Variants in GJB7 observed in about 807,000 individuals in gnomAD.
GJB7 encodes the protein gap junction beta-7 protein.
For synonymous variants in GJB7, 87 were observed against 95.2 expected, an observed-to-expected ratio of 0.91 and a Z score of 0.50; for missense variants, 253 against 256.8, an observed-to-expected ratio of 0.99 and a Z score of 0.10.
chr6:87,284,665 A>G lies in GJB7; in HGVS notation c.248T>C (p.Met83Thr). 3.1e-6 allele frequency: 5 copies of G among 1,614,168 alleles called. No homozygotes were observed. Among genetic ancestry groups the G allele is most frequent in the Admixed American group, 1.7e-5 (1 of 60,018 alleles). ...CACCAGAAGTGAAGGTGTGGAGACC[A>G]TTATCAGTTGTAAGGCCCAAAGTCT... ...QVRLWALQLI[M>T]VSTPSLLVVL... Residue 83 changes from methionine to threonine, a missense_variant, in exon 3 of 3, where the codon ATG (methionine) becomes ACG (threonine). Coordinates refer to ENST00000525899, the MANE Select transcript of GJB7 (RefSeq NM_198568.3).
chr6:87,305,478 A>G lies in GJB7; in HGVS notation c.-28+17388T>C, dbSNP rs184486787. Among the ~76,000 whole-genome samples, 1,109 of 152,344 alleles carry G rather than the reference A, an allele frequency of 7.3e-3. 7 individuals carry two copies. Among genetic ancestry groups the G allele is most frequent in the Non-Finnish European group, 0.011 (754 of 68,032 alleles). On this transcript the variant is annotated intron_variant, in intron 2 of 2. Coordinates refer to ENST00000525899, the MANE Select transcript of GJB7 (RefSeq NM_198568.3). Reference sequence around the variant, plus strand: ...GGAATCCAACTTACAAGGGATGTGAAGGACCTCTTCAAGGAGAACTACAAA... The same window carrying G: ...GGAATCCAACTTACAAGGGATGTGAGGGACCTCTTCAAGGAGAACTACAAA...
Position 87,289,084 on chromosome 6 carries a change from G to T in GJB7, c.-27-4145C>A, listed in dbSNP as rs529002827. The stretch of plus-strand genomic sequence containing the variant: ...TGCCCATGCCTGCATCTCCAACCTT[G>T]TCTTGCACATCTCCAAAGGATACTG... On this transcript the variant is annotated intron_variant, in intron 2 of 2. Coordinates refer to ENST00000525899, the MANE Select transcript of GJB7 (RefSeq NM_198568.3). 2.6e-5 allele frequency among the ~76,000 whole-genome samples: 4 copies of T among 152,214 alleles called. No homozygotes were observed. The South Asian group carries it at 8.3e-4, about 32-fold the overall frequency.
chr6:87,325,839 T>C (rs1776806153), intron 1 of GJB7, among the ~76,000 whole-genome samples: 1 of 152,266 alleles, frequency 6.6e-6, no homozygotes, highest in Non-Finnish European at 1.5e-5. Context: ...TCAGAAGGAA[T>C]GGTACCAGTT....
chr6:87,317,321 G>A (rs1052829167), intron 2 of GJB7, among the ~76,000 whole-genome samples: 8 of 152,090 alleles, frequency 5.3e-5, no homozygotes, highest in Admixed American at 2.0e-4. Context: ...TTAAGATTGC[G>A]GCACTGTACT....
At chr6:87,303,412 G>T (rs1217972341) in intron 2 of GJB7, among the ~76,000 whole-genome samples, 1 of 152,088 alleles carries the variant, frequency 6.6e-6, no homozygotes, top group South Asian at 2.1e-4. Flanking sequence ...AACCAACAAA[G>T]ATCAAAAGAG....
intron 2 of GJB7, among the ~76,000 whole-genome samples, chr6:87,289,864 T>C (rs1376039913): frequency 6.6e-6 from 1 of 152,152 alleles, no homozygotes; most frequent in African/African-American, 2.4e-5. Flanking sequence ...ATAAATACTG[T>C]CCAAAAAGCC....
At chr6:87,300,961 T>C (rs1776312104) in intron 2 of GJB7, among the ~76,000 whole-genome samples, 1 of 152,182 alleles carries the variant, frequency 6.6e-6, no homozygotes. Flanking sequence ...GACTTTAAAA[T>C]AGCTATTAAT....
Position 87,284,141 on chromosome 6 carries a change from C to T in GJB7, c.*100G>A. 1 of 942,620 alleles carries T rather than the reference C, an allele frequency of 1.1e-6. No homozygotes were observed. Among genetic ancestry groups the T allele is most frequent in the South Asian group, 1.6e-5 (1 of 62,030 alleles). 58.4% of individuals were successfully genotyped at this position (942,620 alleles called of 1,614,324 possible). ...TCTTGTGTGTCACAGAGTAGCTTTG[C>T]TTCAGGTAGAGGGAGTGTGTTTATG... On this transcript the variant is annotated 3_prime_UTR_variant, in exon 3 of 3. Coordinates refer to ENST00000525899, the MANE Select transcript of GJB7 (RefSeq NM_198568.3).
At chr6:87,325,394 G>A (rs201745736) in intron 1 of GJB7, among the ~76,000 whole-genome samples, 15,391 of 144,498 alleles carry the variant, frequency 0.11, 810 homozygotes, top group East Asian at 0.12. Context: ...TATGATATTG[G>A]CTGTGGGTTT....
In GJB7 at chr6:87,283,383, G is replaced by A. The variant is rs770972097; in HGVS notation, c.*858C>T. On this transcript the variant is annotated 3_prime_UTR_variant, in exon 3 of 3. Coordinates refer to ENST00000525899, the MANE Select transcript of GJB7 (RefSeq NM_198568.3). ...CCTATCAATGTGTTGCCTTCTGGGG[G>A]ACCTGCTTTCCTTTCTGACTCTAGA... is the stretch of plus-strand genomic sequence containing the variant. 1 of 152,284 alleles carries A rather than the reference G, an allele frequency of 6.6e-6. No homozygotes were observed. The highest frequency in any genetic ancestry group is 6.5e-5 in the Admixed American group (1 of 15,294). 9.4% of individuals were successfully genotyped at this position (152,284 alleles called of 1,614,324 possible). A position where few individuals can be genotyped will look rare whatever the true frequency, so the allele number is the denominator to read the frequency against.
At chr6:87,311,410 G>A (rs1776511411) in intron 2 of GJB7, among the ~76,000 whole-genome samples, 1 of 152,146 alleles carries the variant, frequency 6.6e-6, no homozygotes, top group Non-Finnish European at 1.5e-5. Flanking sequence ...GATACATTGG[G>A]AAATATTCAT....
At chr6:87,292,198 G>A (rs750162574) in intron 2 of GJB7, among the ~76,000 whole-genome samples, 1 of 152,136 alleles carries the variant, frequency 6.6e-6, no homozygotes, top group African/African-American at 2.4e-5. Flanking sequence ...TCATATACAC[G>A]CAGTTCATTG....
chr6:87,287,774 A>G (rs1188597645), intron 2 of GJB7, among the ~76,000 whole-genome samples: 1 of 152,204 alleles, frequency 6.6e-6, no homozygotes, highest in Non-Finnish European at 1.5e-5. Context: ...GGTAGGAGGA[A>G]GGTAAGAGAC....
intron 2 of GJB7, among the ~76,000 whole-genome samples, chr6:87,303,872 C>A (rs1304801994): frequency 1.3e-5 from 2 of 152,172 alleles, no homozygotes; most frequent in African/African-American, 4.8e-5. Flanking sequence ...TTAAGAAACT[C>A]ACTCAAAACC....
chr6:87,300,169 C>T, intron 2 of GJB7: 1 of 221,022 alleles, frequency 4.5e-6, no homozygotes. Context: ...TAAAAGAACA[C>T]TCAAAAATCC....
intron 1 of GJB7, among the ~76,000 whole-genome samples, chr6:87,324,251 T>C (rs1776759982): frequency 6.6e-6 from 1 of 152,204 alleles, no homozygotes; most frequent in Non-Finnish European, 1.5e-5. Context: ...GGTAGTTTCT[T>C]TTGCTGTGCA....
chr6:87,283,798 GA>G lies in GJB7; in HGVS notation c.*442del, dbSNP rs1776011030. On this transcript the variant is annotated 3_prime_UTR_variant, in exon 3 of 3. Coordinates refer to ENST00000525899, the MANE Select transcript of GJB7 (RefSeq NM_198568.3). ...CAGTTCATTGTGCACCAATTGTAAT[GA>G]GATAGTTAGAAAAAACAGAAAACTG... 1 of 153,930 alleles carries G rather than the reference GA, an allele frequency of 6.5e-6. No individual in the cohort carries two copies. Among genetic ancestry groups the G allele is most frequent in the Admixed American group, 6.4e-5 (1 of 15,726 alleles). The allele number at this position is 153,930 out of a possible 1,614,324, so 9.5% of individuals were successfully genotyped here.
At chr6:87,286,548 C>T (rs1470385242) in intron 2 of GJB7, among the ~76,000 whole-genome samples, 9 of 152,182 alleles carry the variant, frequency 5.9e-5, no homozygotes, top group Admixed American at 5.2e-4. Flanking sequence ...TAAACTTCTT[C>T]GCATCTCTTG....
At chr6:87,298,418 G>C (rs1776276025) in intron 2 of GJB7, among the ~76,000 whole-genome samples, 1 of 152,210 alleles carries the variant, frequency 6.6e-6, no homozygotes, top group Admixed American at 6.5e-5. Flanking sequence ...CTTGGTGCTA[G>C]TGAGTTAAAA....
Sources: allele counts gnomAD v4.1 joint callset (sites outside exome capture counted in the v4.1 genomes callset), GRCh38; gene constraint gnomAD v4.1.1; transcripts MANE v1.5; gene names NCBI Gene and HGNC (gene_info 2026-07-23, HGNC 2026-07-21).